Variants in RUNX1 observed in about 807,000 individuals in gnomAD.
The protein encoded by RUNX1 is runt-related transcription factor 1.
In RUNX1, 19 loss-of-function variants were observed where a neutral mutation model predicts 42.8. The ratio of observed to expected loss-of-function variants is 0.44; its 90% CI spans 0.31 to 0.65. RUNX1 has a LOEUF of 0.65. Ranked by LOEUF, RUNX1 falls within the 30% of genes least tolerant of loss-of-function variation. RUNX1 has a pLI of 0.07. For missense variants in RUNX1, 528 were observed against 672.0 expected (o/e 0.79, Z 2.37); for synonymous variants, 271 against 289.4 (o/e 0.94, Z 0.64).
chr21:35,002,221 A>G (rs2059049860), intron 2 of RUNX1, among the ~76,000 whole-genome samples: 2 of 151,908 alleles, frequency 1.3e-5, no homozygotes, highest in Admixed American at 1.3e-4. Flanking sequence ...TGAGTCAGAC[A>G]TTAGCATGGC....
chr21:34,984,816 G>T (rs1417010132), intron 2 of RUNX1, among the ~76,000 whole-genome samples: 1 of 152,206 alleles, frequency 6.6e-6, no homozygotes, highest in African/African-American at 2.4e-5. Flanking sequence ...GAGGTCACAT[G>T]AAGATGCAGA....
At chr21:35,013,252 T>C in intron 2 of RUNX1, among the ~76,000 whole-genome samples, 1 of 152,206 alleles carries the variant, frequency 6.6e-6, no homozygotes, top group East Asian at 1.9e-4. Flanking sequence ...TTTTCACCCT[T>C]GCCTTGCAGC....
At chr21:34,932,781 C>T (rs1253545257) in intron 2 of RUNX1, among the ~76,000 whole-genome samples, 1 of 152,170 alleles carries the variant, frequency 6.6e-6, no homozygotes, top group African/African-American at 2.4e-5. Flanking sequence ...AGAAAATGCT[C>T]ATGCCATGCT....
At chr21:34,869,702 T>C (rs1350527874) in intron 5 of RUNX1, among the ~76,000 whole-genome samples, 1 of 152,136 alleles carries the variant, frequency 6.6e-6, no homozygotes, top group East Asian at 1.9e-4. Flanking sequence ...CAGCGGAACA[T>C]CCGGAAGTCC....
rs2056415126 is a variant in RUNX1, at chr21:34,790,013, T to C, written c.*2122A>G. 1 of 233,098 alleles carries C rather than the reference T, an allele frequency of 4.3e-6. No homozygotes were observed. The highest frequency in any genetic ancestry group is 8.5e-6 in the Non-Finnish European group (1 of 117,978). 14.4% of individuals were successfully genotyped at this position (233,098 alleles called of 1,614,324 possible). ...AATTAAATTTTTACATTTGCTGACA[T>C]TTTATGGTAATTTAGCTGCAAAAAT... On this transcript the variant is annotated 3_prime_UTR_variant, in exon 9 of 9. Transcript: ENST00000675419.
At chr21:34,837,079 T>C (rs1318693738) in intron 6 of RUNX1, among the ~76,000 whole-genome samples, 2 of 152,258 alleles carry the variant, frequency 1.3e-5, no homozygotes, top group Non-Finnish European at 2.9e-5. Flanking sequence ...GCAATTTCTA[T>C]ACCAGCTGAT....
chr21:34,929,053 C>CA (rs534935810), intron 2 of RUNX1, among the ~76,000 whole-genome samples: 325 of 152,142 alleles, frequency 2.1e-3, no homozygotes, highest in Non-Finnish European at 3.8e-3. Flanking sequence ...AGCATCTAGG[C>CA]ATGTCCTCTT....
chr21:34,966,327 C>T (rs2058718029), intron 2 of RUNX1, among the ~76,000 whole-genome samples: 1 of 152,328 alleles, frequency 6.6e-6, no homozygotes, highest in Admixed American at 6.5e-5. Flanking sequence ...CTAAGTGCCT[C>T]ACGCCACTTT....
chr21:34,812,662 T>C (rs1023341542), intron 7 of RUNX1, among the ~76,000 whole-genome samples: 5 of 152,224 alleles, frequency 3.3e-5, no homozygotes, highest in African/African-American at 9.6e-5. Flanking sequence ...GCTTCGTTTA[T>C]TGACTTAGAG....
Position 34,901,326 on chromosome 21 carries a change from A to G in RUNX1, c.59-8363T>C, listed in dbSNP as rs2146487018. Among the ~76,000 whole-genome samples the G allele has an allele frequency of 6.6e-6, 1 of 152,142 alleles. No homozygotes were observed. Among genetic ancestry groups the G allele is most frequent in the East Asian group, 1.9e-4 (1 of 5,174 alleles). On this transcript the variant is annotated intron_variant, in intron 2 of 8. Transcript: ENST00000675419. This position sits in a 1 kb window ranked among gnomAD's most constrained non-coding sequence, Gnocchi z 4.3. Reference sequence around the variant, plus strand: ...AGAGTTTGAGACCAGCCCGGCCAACATGGTGAAACCCCGTCTCTACTGAAA... The same window carrying G: ...AGAGTTTGAGACCAGCCCGGCCAACGTGGTGAAACCCCGTCTCTACTGAAA...
At chr21:34,967,193 G>A (rs375485230) in intron 2 of RUNX1, among the ~76,000 whole-genome samples, 36 of 150,940 alleles carry the variant, frequency 2.4e-4, no homozygotes, top group South Asian at 1.1e-3. Flanking sequence ...GGTGGCAGGC[G>A]CCTGTAATCA....
intron 2 of RUNX1, among the ~76,000 whole-genome samples, chr21:34,993,033 G>T (rs111692655): frequency 0.079 from 11,984 of 152,298 alleles, 1,554 homozygotes; most frequent in African/African-American, 0.27. Flanking sequence ...CCACTCTCTT[G>T]CCCTGCCAGG....
chr21:35,044,623 C>T (rs1331487984), intron 2 of RUNX1, among the ~76,000 whole-genome samples: 3 of 152,186 alleles, frequency 2.0e-5, no homozygotes, highest in African/African-American at 7.2e-5. Flanking sequence ...ACATTCCCTG[C>T]ACAGACCTCC....
intron 4 of RUNX1, among the ~76,000 whole-genome samples, chr21:34,886,056 G>A (rs952046058): frequency 6.6e-6 from 1 of 152,234 alleles, no homozygotes; most frequent in Non-Finnish European, 1.5e-5. Flanking sequence ...GAGCCGCCGC[G>A]CTGAAGTCTC....
chr21:35,002,515 C>T (rs982411819), intron 2 of RUNX1, among the ~76,000 whole-genome samples: 1 of 151,924 alleles, frequency 6.6e-6, no homozygotes, highest in Admixed American at 6.6e-5. Flanking sequence ...GCAACCTCCA[C>T]CTCCCAGGCT....
chr21:34,914,790 T>G (rs1056000856), intron 2 of RUNX1, among the ~76,000 whole-genome samples: 2 of 152,208 alleles, frequency 1.3e-5, no homozygotes, highest in Non-Finnish European at 2.9e-5. Context: ...ATTCTGCAAC[T>G]TGGCCTTGAG....
intron 5 of RUNX1, among the ~76,000 whole-genome samples, chr21:34,880,159 C>T (rs896126009): frequency 6.6e-6 from 1 of 152,188 alleles, no homozygotes; most frequent in Non-Finnish European, 1.5e-5. Flanking sequence ...TCACAGATAG[C>T]CCACAGATCA....
intron 2 of RUNX1, among the ~76,000 whole-genome samples, chr21:34,914,424 G>A (rs769604108): frequency 7.9e-5 from 12 of 152,132 alleles, no homozygotes; most frequent in Non-Finnish European, 1.8e-4. Context: ...CTGTGATGAG[G>A]ATGATATTGT....
chr21:34,798,203 C>T (rs2056557688), intron 8 of RUNX1: 1 of 449,490 alleles, frequency 2.2e-6, no homozygotes, highest in South Asian at 1.6e-5. Context: ...AAAGCAAGAC[C>T]CGCCCCGTTC....
Sources: allele counts gnomAD v4.1 joint callset (sites outside exome capture counted in the v4.1 genomes callset), GRCh38; gene constraint gnomAD v4.1.1; non-coding constraint Gnocchi (gnomAD v3.1); transcripts MANE v1.5; gene names NCBI Gene and HGNC (gene_info 2026-07-23, HGNC 2026-07-21).